The following CYP19A1 variants were observed in gnomAD, a reference collection of about 807,000 sequenced individuals.
CYP19A1 encodes aromatase.
In CYP19A1, 32 loss-of-function variants were observed where a neutral mutation model predicts 44.4. That is an observed-to-expected ratio of 0.72 (90% CI 0.54 to 0.97). The LOEUF (loss-of-function observed/expected upper bound fraction) is 0.97, where lower values mean the gene tolerates loss of function less well. Among genes scored for constraint, CYP19A1 ranks in the 50% least tolerant of loss-of-function variants. CYP19A1 has a pLI of 0.00. For missense variants in CYP19A1, 598 were observed against 637.8 expected (o/e 0.94, Z 0.67); for synonymous variants, 212 against 215.6 (o/e 0.98, Z 0.14).
At chr15:51,282,979 C>G (rs972667873) in intron 1 of CYP19A1, among the ~76,000 whole-genome samples, 7 of 152,086 alleles carry the variant, frequency 4.6e-5, no homozygotes, top group Admixed American at 3.9e-4. Flanking sequence ...GTTCCTGGAA[C>G]AAGGGACTAT....
In CYP19A1 at chr15:51,311,752, G is replaced by A. The variant is rs1028739739; in HGVS notation, c.-39+26743C>T. ...AAGCATCTGAGCTTTTGACCCTGGG[G>A]TAAGGGAAGTAGCACATGAATAGGA... On this transcript the variant is annotated intron_variant, in intron 1 of 9. Transcript: ENST00000396402. Among the ~76,000 whole-genome samples the A allele has an allele frequency of 9.9e-5, 15 of 152,150 alleles. 1 individual carries two copies. The highest frequency in any genetic ancestry group is 7.9e-4 in the Admixed American group (12 of 15,274).
chr15:51,271,414 C>G (rs1417927160), intron 1 of CYP19A1, among the ~76,000 whole-genome samples: 1 of 152,134 alleles, frequency 6.6e-6, no homozygotes, highest in African/African-American at 2.4e-5. Context: ...CAGATCGTTC[C>G]CCTGTCTTCC....
At chr15:51,275,362 TA>T (rs1476601578) in intron 1 of CYP19A1, among the ~76,000 whole-genome samples, 1 of 152,230 alleles carries the variant, frequency 6.6e-6, no homozygotes, top group Non-Finnish European at 1.5e-5. Flanking sequence ...AAAAGATGCC[TA>T]AATCTTCACC....
chr15:51,228,053 G>A (rs2032740110), intron 3 of CYP19A1, 120 bp from the exon 4 acceptor site: 1 of 746,954 alleles, frequency 1.3e-6, no homozygotes, highest in Admixed American at 1.8e-5. Flanking sequence ...CAATGTGCAT[G>A]ATTTCTAGTA....
intron 1 of CYP19A1, among the ~76,000 whole-genome samples, chr15:51,282,939 CTT>C (rs948446798): frequency 3.1e-4 from 47 of 152,168 alleles, no homozygotes; most frequent in African/African-American, 1.1e-3. Context: ...TGTTATCACT[CTT>C]TAGTACGGTA....
intron 1 of CYP19A1, among the ~76,000 whole-genome samples, chr15:51,326,445 T>C (rs527432953): frequency 6.6e-6 from 1 of 152,366 alleles, no homozygotes; most frequent in East Asian, 1.9e-4. Context: ...GAATTCTTGC[T>C]GTAGAATTTT....
chr15:51,305,069 T>C (rs1465827414), intron 1 of CYP19A1, among the ~76,000 whole-genome samples: 1 of 151,820 alleles, frequency 6.6e-6, no homozygotes, highest in East Asian at 1.9e-4. Context: ...CCAGCTAATT[T>C]TTGTATTTTT....
chr15:51,211,882 G>A (rs973300332), intron 9 of CYP19A1, among the ~76,000 whole-genome samples: 1 of 152,276 alleles, frequency 6.6e-6, no homozygotes, highest in East Asian at 1.9e-4. Flanking sequence ...TGAGCCAAAG[G>A]CACTTTGCAA....
At chr15:51,241,645 C>G (rs769093793) in intron 2 of CYP19A1, among the ~76,000 whole-genome samples, 1 of 151,742 alleles carries the variant, frequency 6.6e-6, no homozygotes, top group African/African-American at 2.4e-5. Context: ...CACTGGGGAA[C>G]AGAGTTCAAG....
intron 1 of CYP19A1, among the ~76,000 whole-genome samples, chr15:51,300,682 G>A (rs573481572): frequency 1.5e-3 from 224 of 152,250 alleles, no homozygotes; most frequent in African/African-American, 4.9e-3. Context: ...ACCCTATACT[G>A]GGAACCAGCC....
intron 1 of CYP19A1, chr15:51,318,649 G>A (rs904965997): frequency 1.3e-5 from 2 of 152,238 alleles, no homozygotes; most frequent in Non-Finnish European, 2.9e-5. Context: ...GGGCAGGGGT[G>A]TCAGAGTTTT....
intron 1 of CYP19A1, among the ~76,000 whole-genome samples, chr15:51,273,898 T>C (rs1365739672): frequency 1.3e-5 from 2 of 152,200 alleles, no homozygotes; most frequent in East Asian, 3.9e-4. Context: ...TCCCTGCTAC[T>C]TGGGAGGCTG....
chr15:51,259,693 G>A (rs985390397), intron 1 of CYP19A1, among the ~76,000 whole-genome samples: 1 of 152,328 alleles, frequency 6.6e-6, no homozygotes, highest in South Asian at 2.1e-4. Flanking sequence ...TCCAAAGAAG[G>A]TGCTAGGGCT....
Position 51,244,049 on chromosome 15 carries a change from A to C in CYP19A1, c.-38-1099T>G, listed in dbSNP as rs58154609. 3.8e-3 allele frequency among the ~76,000 whole-genome samples: 575 copies of C among 152,332 alleles called. 4 individuals carry two copies. The highest frequency in any genetic ancestry group is 0.013 in the African/African-American group (557 of 41,570). ...GGGCCTAGAGTTTCTGTGACTTGCA[A>C]TGGCTCTCAATCAGACTTGTGCTGG... On this transcript the variant is annotated intron_variant, in intron 1 of 9. Coordinates refer to ENST00000396402, the MANE Select transcript of CYP19A1 (RefSeq NM_000103.4).
In CYP19A1 at chr15:51,209,686, G is replaced by C. The variant is rs1308023531; in HGVS notation, c.*1122C>G. Reference sequence around the variant, plus strand: ...ATAATGTTAAATCTCTCAGGTAACTGTTAAATTTTGAGGTAGGATTAAAAA... The same window carrying C: ...ATAATGTTAAATCTCTCAGGTAACTCTTAAATTTTGAGGTAGGATTAAAAA... On this transcript the variant is annotated 3_prime_UTR_variant, in exon 10 of 10. Transcript: ENST00000396402. 1.3e-5 allele frequency: 2 copies of C among 152,578 alleles called. No homozygotes were observed. Among genetic ancestry groups the C allele is most frequent in the Non-Finnish European group, 2.9e-5 (2 of 68,046 alleles). The allele number at this position is 152,578 out of a possible 1,614,324, so 9.5% of individuals were successfully genotyped here.
intron 1 of CYP19A1, among the ~76,000 whole-genome samples, chr15:51,282,333 T>G (rs1277515222): frequency 3.9e-5 from 6 of 152,168 alleles, no homozygotes; most frequent in African/African-American, 1.4e-4. Flanking sequence ...AAACCCCTCG[T>G]GGCCTCTGGA....
chr15:51,286,329 C>G (rs535636070), intron 1 of CYP19A1, among the ~76,000 whole-genome samples: 1 of 152,290 alleles, frequency 6.6e-6, no homozygotes, highest in East Asian at 1.9e-4. Flanking sequence ...CATCATAGCT[C>G]AAATCTGGGA....
At chr15:51,252,576 G>T (rs2034359145) in intron 1 of CYP19A1, among the ~76,000 whole-genome samples, 1 of 152,194 alleles carries the variant, frequency 6.6e-6, no homozygotes, top group African/African-American at 2.4e-5. Flanking sequence ...AAAGTGAGGG[G>T]CAAAATTGGT....
intron 1 of CYP19A1, among the ~76,000 whole-genome samples, chr15:51,332,241 A>T (rs1429459777): frequency 6.6e-6 from 1 of 151,996 alleles, no homozygotes; most frequent in Non-Finnish European, 1.5e-5. Flanking sequence ...AGTCAAACTC[A>T]TTCTTTTATT....
Sources: gnomAD v4.1 joint callset for allele counts (sites outside exome capture counted in the v4.1 genomes callset) on GRCh38, gnomAD v4.1.1 for gene constraint, MANE v1.5 for transcripts, NCBI Gene and HGNC (gene_info 2026-07-23, HGNC 2026-07-21) for gene names.